The following ANO3 variants were observed in gnomAD, a reference collection of about 807,000 sequenced individuals.
The protein encoded by ANO3 is anoctamin-3.
Under a neutral mutation model 144.8 loss-of-function variants are expected in ANO3, and 99 were observed. The ratio of observed to expected loss-of-function variants is 0.68; its 90% CI spans 0.58 to 0.81. The LOEUF is 0.81. ANO3 is among the 30% of genes least tolerant of loss of function. The pLI, the probability that ANO3 is intolerant of heterozygous loss-of-function variation, is 0.00. For missense variants in ANO3, 905 were observed against 1,202.2 expected (o/e 0.75, Z 3.66); for synonymous variants, 414 against 392.6 (o/e 1.05, Z -0.64).
At chr11:26,573,693 C>A in intron 14 of ANO3, among the ~76,000 whole-genome samples, 1 of 152,146 alleles carries the variant, frequency 6.6e-6, no homozygotes, top group Non-Finnish European at 1.5e-5. Context: ...GCTAATTTCT[C>A]ATGTTGCTTT....
Position 26,624,383 on chromosome 11 carries a change from T to C in ANO3, c.1837-79T>C. ...ACCACTGTATAACATACATTATAGA[T>C]GTTTCTTCAAATAGTGTAAATACCA... is the stretch of plus-strand genomic sequence containing the variant. On this transcript the variant is annotated intron_variant, in intron 17 of 26. Transcript: ENST00000256737. 3 of 964,928 alleles carry C rather than the reference T, an allele frequency of 3.1e-6. No homozygotes were observed. The South Asian group carries it at 4.4e-5, about 14-fold the overall frequency. The allele number at this position is 964,928 out of a possible 1,614,324, so 59.8% of individuals were successfully genotyped here. A position where few individuals can be genotyped will look rare whatever the true frequency, so the allele number is the denominator to read the frequency against.
chr11:26,192,567 A>T (rs1851499015), intron 1 of ANO3, among the ~76,000 whole-genome samples: 1 of 152,230 alleles, frequency 6.6e-6, no homozygotes, highest in African/African-American at 2.4e-5. Flanking sequence ...ACTATTAGGT[A>T]TCTCATAATA....
At chr11:26,270,597 T>G (rs1446461169) in intron 1 of ANO3, among the ~76,000 whole-genome samples, 1 of 152,208 alleles carries the variant, frequency 6.6e-6, no homozygotes, top group Non-Finnish European at 1.5e-5. Context: ...CACCAGGAAA[T>G]AGGAGCTCAG....
chr11:26,232,154 C>G (rs11029403), intron 1 of ANO3, among the ~76,000 whole-genome samples: 48,798 of 151,988 alleles, frequency 0.32, 8,585 homozygotes, highest in Non-Finnish European at 0.38. Flanking sequence ...GGTTGGACCT[C>G]GTTGTATTTA....
At chr11:26,656,585 T>C (rs959141272) in intron 26 of ANO3, 104 bp downstream of exon 26, 35 of 746,538 alleles carry the variant, frequency 4.7e-5, no homozygotes, top group Non-Finnish European at 7.2e-5. Context: ...ATAAAAACAC[T>C]TAAGTAGGTC....
At chr11:26,516,083 A>G (rs1190824922) in intron 5 of ANO3, among the ~76,000 whole-genome samples, 3 of 151,904 alleles carry the variant, frequency 2.0e-5, no homozygotes, top group East Asian at 3.9e-4. Context: ...TCAAAAGGGT[A>G]TCAGATTCTC....
intron 1 of ANO3, among the ~76,000 whole-genome samples, chr11:26,250,075 C>T (rs1435916468): frequency 6.6e-6 from 1 of 152,154 alleles, no homozygotes; most frequent in Non-Finnish European, 1.5e-5. Flanking sequence ...TTCTCATAGC[C>T]CTACATAACT....
At position 26,661,023 on chromosome 11, in the gene ANO3, T is replaced by C. The variant is rs1186663079; in HGVS notation, c.*579T>C. The C allele has an allele frequency of 6.6e-6, 1 of 152,626 alleles. No individual in the cohort carries two copies. Among genetic ancestry groups the C allele is most frequent in the African/African-American group, 2.4e-5 (1 of 41,446 alleles). The allele number at this position is 152,626 out of a possible 1,614,324, so 9.5% of individuals were successfully genotyped here. On this transcript the variant is annotated 3_prime_UTR_variant, in exon 27 of 27. Transcript: ENST00000256737. ...CACAGGGGATTTATGCTGCTTTACA[T>C]TGACTATGCAGTTGAAGAGTTGCAC...
At chr11:26,509,122 T>TA (rs1861552388) in intron 5 of ANO3, among the ~76,000 whole-genome samples, 1 of 149,402 alleles carries the variant, frequency 6.7e-6, no homozygotes, top group Non-Finnish European at 1.5e-5. Context: ...TATATATATA[T>TA]TATTCTGCTG....
intron 4 of ANO3, among the ~76,000 whole-genome samples, chr11:26,491,896 A>T (rs1006928429): frequency 1.4e-4 from 22 of 152,244 alleles, no homozygotes; most frequent in African/African-American, 5.1e-4. Flanking sequence ...AGTTAATTAC[A>T]TATACATTAT....
At chr11:26,425,413 C>A (rs948282909) in intron 1 of ANO3, among the ~76,000 whole-genome samples, 1 of 151,924 alleles carries the variant, frequency 6.6e-6, no homozygotes, top group African/African-American at 2.4e-5. Flanking sequence ...TAAATTAATA[C>A]ATTTGAAGAG....
rs558721900 is a variant in ANO3 at position 26,293,317 on chromosome 11, G to GA, written c.155-16323dup. Among the ~76,000 whole-genome samples, 7 of 151,370 alleles carry GA rather than the reference G, an allele frequency of 4.6e-5. No individual in the cohort carries two copies. The South Asian group carries it at 1.5e-3, about 32-fold the overall frequency. On this transcript the variant is annotated intron_variant, in intron 1 of 27. Coordinates refer to the ANO3 transcript ENST00000672621. The stretch of plus-strand genomic sequence containing the variant: ...GAATTTTTGAAAAAATATATAAATA[G>GA]AAAAACAAGAGAGGCTAATATTTTT...
intron 1 of ANO3, among the ~76,000 whole-genome samples, chr11:26,194,343 C>T (rs1471893640): frequency 6.6e-6 from 1 of 151,634 alleles, no homozygotes; most frequent in Non-Finnish European, 1.5e-5. Context: ...TAATTTTATT[C>T]ATTTTAACAT....
chr11:26,303,947 T>A (rs1218472085), intron 1 of ANO3, among the ~76,000 whole-genome samples: 1 of 152,134 alleles, frequency 6.6e-6, no homozygotes, highest in Admixed American at 6.5e-5. Context: ...TCTCTTGACC[T>A]CGTGATCCAC....
chr11:26,589,321 A>G (rs1387525173), intron 14 of ANO3, among the ~76,000 whole-genome samples: 1 of 141,158 alleles, frequency 7.1e-6, no homozygotes, highest in Non-Finnish European at 1.6e-5. Flanking sequence ...AGAAAATGCA[A>G]CTATGAACAT....
At chr11:26,497,636 T>C (rs1861019054) in intron 4 of ANO3, among the ~76,000 whole-genome samples, 1 of 151,888 alleles carries the variant, frequency 6.6e-6, no homozygotes, top group Admixed American at 6.6e-5. Context: ...TTTACAGGAG[T>C]TTTCTAAATA....
At chr11:26,361,840 G>A (rs1855936593) in intron 1 of ANO3, among the ~76,000 whole-genome samples, 1 of 152,110 alleles carries the variant, frequency 6.6e-6, no homozygotes, top group African/African-American at 2.4e-5. Flanking sequence ...GCCTCTGCCT[G>A]TGGGTGGTAA....
intron 1 of ANO3, among the ~76,000 whole-genome samples, chr11:26,371,861 G>A (rs1028116241): frequency 1.3e-5 from 2 of 152,280 alleles, no homozygotes; most frequent in East Asian, 3.9e-4. Flanking sequence ...AGGAACTAAT[G>A]TGTTATTTAT....
At chr11:26,296,935 T>C (rs865860914) in intron 1 of ANO3, among the ~76,000 whole-genome samples, 3 of 152,158 alleles carry the variant, frequency 2.0e-5, no homozygotes, top group Non-Finnish European at 4.4e-5. Flanking sequence ...ATGTTATATA[T>C]GAATCTTCTC....
Sources: gnomAD v4.1 joint callset for allele counts (sites outside exome capture counted in the v4.1 genomes callset) on GRCh38, gnomAD v4.1.1 for gene constraint, MANE v1.5 for transcripts, NCBI Gene and HGNC (gene_info 2026-07-23, HGNC 2026-07-21) for gene names.